VPS13A: variants seen among roughly 807,000 people sequenced by gnomAD.
The protein encoded by VPS13A is vacuolar protein sorting 13 homolog A.
In VPS13A, 264 loss-of-function variants were observed where a neutral mutation model predicts 390.9. The ratio of observed to expected loss-of-function variants is 0.68; its 90% CI spans 0.61 to 0.75. The LOEUF is 0.75. Among genes scored for constraint, VPS13A ranks in the 30% least tolerant of loss-of-function variants. The probability of loss-of-function intolerance (pLI) is 0.00; values close to 1 mark genes in which losing one functional copy is unlikely to be tolerated. For synonymous variants in VPS13A, 1,231 were observed against 1,227.1 expected (o/e 1.00, Z -0.07); for missense variants, 3,409 against 3,733.9 (o/e 0.91, Z 2.27).
chr9:77,178,524 G>C (rs1347322568), intron 1 of VPS13A, among the ~76,000 whole-genome samples: 1 of 152,220 alleles, frequency 6.6e-6, no homozygotes, highest in Non-Finnish European at 1.5e-5. Flanking sequence ...AGGATATGTG[G>C]GTCAGAGTGA....
intron 23 of VPS13A, among the ~76,000 whole-genome samples, chr9:77,266,206 C>A (rs923650498): frequency 7.2e-5 from 11 of 152,154 alleles, no homozygotes; most frequent in East Asian, 1.9e-4. Flanking sequence ...CTTGTTTTAC[C>A]TTCAATTATG....
At chr9:77,400,437 G>A (rs978209165) in intron 68 of VPS13A, among the ~76,000 whole-genome samples, 1 of 151,500 alleles carries the variant, frequency 6.6e-6, no homozygotes, top group African/African-American at 2.4e-5. Flanking sequence ...TTTGCTTATC[G>A]TTTTGCCATT....
intron 17 of VPS13A, among the ~76,000 whole-genome samples, chr9:77,229,458 A>G (rs1006284334): frequency 6.6e-4 from 101 of 152,356 alleles, no homozygotes; most frequent in African/African-American, 2.3e-3. Context: ...AGCCCCTGGC[A>G]ACAACTAATT....
At chr9:77,377,530 G>A (rs1262927366) in intron 67 of VPS13A, among the ~76,000 whole-genome samples, 1 of 151,968 alleles carries the variant, frequency 6.6e-6, no homozygotes, top group Non-Finnish European at 1.5e-5. Flanking sequence ...TTTTATTGTT[G>A]GATTGTTTAT....
chr9:77,400,051 T>A (rs999600285), intron 68 of VPS13A, among the ~76,000 whole-genome samples: 2 of 152,132 alleles, frequency 1.3e-5, no homozygotes, highest in African/African-American at 4.8e-5. Flanking sequence ...ATATTTAGAT[T>A]TTGTGCTTTT....
rs1203963913 is a variant in VPS13A at position 77,177,540 on chromosome 9, GTC to G, written c.-160_-159del. The G allele has an allele frequency of 1.5e-6, 1 of 651,600 alleles. No homozygotes were observed. Among genetic ancestry groups the G allele is most frequent in the Admixed American group, 2.3e-5 (1 of 43,550 alleles). 40.4% of individuals were successfully genotyped at this position (651,600 alleles called of 1,614,324 possible). ...ACGCGTCGTGAGAGCGACCGCCTCC[GTC>G]TCTCGCTGGGCTCGCTAGGGCTGCG... is the stretch of plus-strand genomic sequence containing the variant. On this transcript the variant is annotated 5_prime_UTR_variant, in exon 1 of 72. Coordinates refer to ENST00000360280, the MANE Select transcript of VPS13A (RefSeq NM_033305.3).
chr9:77,398,532 TC>T (rs1390251249), intron 68 of VPS13A, among the ~76,000 whole-genome samples: 12 of 152,000 alleles, frequency 7.9e-5, no homozygotes, highest in Non-Finnish European at 1.8e-4. Flanking sequence ...TGGGGTTTTT[TC>T]CCCCCAAAAA....
At chr9:77,384,682 A>G in intron 68 of VPS13A, 3 of 1,599,958 alleles carry the variant, frequency 1.9e-6, no homozygotes, top group African/African-American at 1.3e-5. Context: ...CTAAACCATT[A>G]AAATTCATAT....
Position 77,418,347 on chromosome 9 carries a change from T to A in VPS13A, c.*2341T>A, listed in dbSNP as rs939142833. The stretch of plus-strand genomic sequence containing the variant: ...AATTCCAGCACAGCATGTCTTCTGG[T>A]CTATGATAATTGTGTGAGGACTAAG... On this transcript the variant is annotated 3_prime_UTR_variant, in exon 72 of 72. Coordinates refer to ENST00000360280, the MANE Select transcript of VPS13A (RefSeq NM_033305.3). 11 of 152,272 alleles carry A rather than the reference T, an allele frequency of 7.2e-5. No homozygotes were observed. In the East Asian group the frequency reaches 1.9e-3, roughly 27 times the overall value. The allele number at this position is 152,272 out of a possible 1,614,324, so 9.4% of individuals were successfully genotyped here.
At chr9:77,324,854 C>G (rs1371553088) in intron 45 of VPS13A, among the ~76,000 whole-genome samples, 1 of 152,032 alleles carries the variant, frequency 6.6e-6, no homozygotes, top group African/African-American at 2.4e-5. Flanking sequence ...CCATCTTGCT[C>G]CGCCTCTCAT....
At chr9:77,316,464 C>A in intron 39 of VPS13A, 58 bp downstream of exon 39, 2 of 1,494,062 alleles carry the variant, frequency 1.3e-6, no homozygotes, top group Non-Finnish European at 1.9e-6. Context: ...TAGTGTATAC[C>A]ATTTTAGGAA....
intron 17 of VPS13A, among the ~76,000 whole-genome samples, chr9:77,228,532 T>C (rs1468433961): frequency 6.6e-6 from 1 of 152,134 alleles, no homozygotes; most frequent in East Asian, 1.9e-4. Flanking sequence ...ACAATGTGGT[T>C]TTTATCTGAG....
chr9:77,178,174 ACGCCTTCCTGGG>A (rs1823765083), intron 1 of VPS13A: 2 of 281,204 alleles, frequency 7.1e-6, no homozygotes, highest in Non-Finnish European at 1.4e-5. Flanking sequence ...AGGCGAGACG[ACGCCTTCCTGGG>A]CTGGGTCCCA....
At chr9:77,299,820 G>A (rs140517060) in intron 33 of VPS13A, among the ~76,000 whole-genome samples, 1 of 152,088 alleles carries the variant, frequency 6.6e-6, no homozygotes, top group African/African-American at 2.4e-5. Flanking sequence ...AAACTAACAC[G>A]GGAACAGAAA....
At chr9:77,207,992 C>T (rs1825774213) in intron 5 of VPS13A, among the ~76,000 whole-genome samples, 2 of 151,848 alleles carry the variant, frequency 1.3e-5, no homozygotes, top group Non-Finnish European at 2.9e-5. Flanking sequence ...ACTTTATTGA[C>T]AGTAATATGC....
At position 77,405,914 on chromosome 9, in the gene VPS13A, G is replaced by A. The variant is rs773932109; in HGVS notation, c.9326G>A (p.Trp3109Ter). ...KGTFGQLTCE[W>*]QYSFDEFTKE... ...ACATTTGGACAACTCACGTGTGAGT[G>A]GCAGTATAGTTTTGATGAATTTACC... The change falls in exon 70 of 72, where the codon TGG becomes TAG. Residue 3109 changes from tryptophan (W) to a stop codon, truncating the protein, a stop_gained. Transcript: ENST00000360280. LOFTEE classifies it high-confidence loss of function. 3 of 1,613,870 alleles carry A rather than the reference G, an allele frequency of 1.9e-6. No homozygotes were observed. Among genetic ancestry groups the A allele is most frequent in the Non-Finnish European group, 2.5e-6 (3 of 1,179,952 alleles).
intron 45 of VPS13A, among the ~76,000 whole-genome samples, chr9:77,328,153 A>G (rs1830107330): frequency 6.6e-6 from 1 of 152,202 alleles, no homozygotes; most frequent in African/African-American, 2.4e-5. Flanking sequence ...CAGGCATGAA[A>G]GCAACATTAA....
In VPS13A at chr9:77,418,339, T is replaced by A. The variant is rs2131678828; in HGVS notation, c.*2333T>A. ...AGGCCCTTAATTCCAGCACAGCATG[T>A]CTTCTGGTCTATGATAATTGTGTGA... On this transcript the variant is annotated 3_prime_UTR_variant, in exon 72 of 72. Transcript: ENST00000360280. 1 of 152,288 alleles carries A rather than the reference T, an allele frequency of 6.6e-6. No individual in the cohort carries two copies. The highest frequency in any genetic ancestry group is 6.5e-5 in the Admixed American group (1 of 15,296). 9.4% of individuals were successfully genotyped at this position (152,288 alleles called of 1,614,324 possible). A position where few individuals can be genotyped will look rare whatever the true frequency, so the allele number is the denominator to read the frequency against.
At chr9:77,368,428 A>G (rs1832560632) in intron 62 of VPS13A, among the ~76,000 whole-genome samples, 2 of 152,256 alleles carry the variant, frequency 1.3e-5, no homozygotes, top group South Asian at 4.1e-4. Flanking sequence ...TAATTAAAAA[A>G]TGGGTTCATG....
Sources: allele counts gnomAD v4.1 joint callset (sites outside exome capture counted in the v4.1 genomes callset), GRCh38; gene constraint gnomAD v4.1.1; transcripts MANE v1.5; gene names NCBI Gene and HGNC (gene_info 2026-07-23, HGNC 2026-07-21).